Variants in CNGB3 observed in about 807,000 individuals in gnomAD.
The protein encoded by CNGB3 is cyclic nucleotide-gated channel beta-3.
Under a neutral mutation model 92.8 loss-of-function variants are expected in CNGB3, and 86 were observed. The observed-to-expected ratio is 0.93, with a 90% CI of 0.78 to 1.11. CNGB3 has a LOEUF of 1.11. Ranked by LOEUF, CNGB3 falls within the 50% of genes least tolerant of loss-of-function variation. CNGB3 has a pLI of 0.00. For missense variants in CNGB3, 1,026 were observed against 956.8 expected (o/e 1.07, Z -0.95); for synonymous variants, 333 against 332.7 (o/e 1.00, Z -0.01).
intron 15 of CNGB3, among the ~76,000 whole-genome samples, chr8:86,583,102 T>C (rs1201614319): frequency 1.3e-5 from 2 of 151,812 alleles, no homozygotes; most frequent in Non-Finnish European, 2.9e-5. Flanking sequence ...GGTTTCACCA[T>C]GTTGGACAGG....
intron 13 of CNGB3, among the ~76,000 whole-genome samples, chr8:86,616,767 A>G (rs191326095): frequency 6.6e-6 from 1 of 152,308 alleles, no homozygotes; most frequent in Admixed American, 6.5e-5. Flanking sequence ...GCATTAATGA[A>G]TATATGGTCA....
chr8:86,647,538 G>A (rs1246318315), intron 8 of CNGB3, among the ~76,000 whole-genome samples: 1 of 150,800 alleles, frequency 6.6e-6, no homozygotes, highest in Non-Finnish European at 1.5e-5. Context: ...GAAATACAAA[G>A]CATCCCTATT....
intron 11 of CNGB3, among the ~76,000 whole-genome samples, chr8:86,630,690 ACT>A (rs1308606327): frequency 1.3e-5 from 2 of 152,062 alleles, no homozygotes; most frequent in Non-Finnish European, 2.9e-5. Context: ...ACATAGTGAG[ACT>A]CTGTTTCTAC....
Position 86,643,853 on chromosome 8 carries a change from T to C in CNGB3, c.1076A>G (p.Tyr359Cys). 1 of 1,606,742 alleles carries C rather than the reference T, an allele frequency of 6.2e-7. No individual in the cohort carries two copies. The highest frequency in any genetic ancestry group is 8.5e-7 in the Non-Finnish European group (1 of 1,175,078). Residue 359 changes from tyrosine (Y) to cysteine (C), a missense_variant, in exon 10 of 18, where the codon TAC becomes TGC. Transcript: ENST00000320005. Reference protein sequence around the residue: ...YIYRVIRTTGYLLFILHINAC... With the variant: ...YIYRVIRTTGCLLFILHINAC... ...ATTAATGTGCAGAATAAACAGCAAG[T>C]ATCCAGTTGTTCGAATAACTCTGTC...
chr8:86,615,175 C>T (rs985220179), intron 13 of CNGB3, among the ~76,000 whole-genome samples: 1 of 152,132 alleles, frequency 6.6e-6, no homozygotes, highest in Non-Finnish European at 1.5e-5. Flanking sequence ...GGTCCTGGAA[C>T]CAATCCCCTG....
intron 17 of CNGB3, among the ~76,000 whole-genome samples, chr8:86,577,557 T>C (rs1821682793): frequency 6.6e-6 from 1 of 152,226 alleles, no homozygotes; most frequent in Non-Finnish European, 1.5e-5. Context: ...TATGAGATAT[T>C]ATGGTTCAAG....
intron 3 of CNGB3, among the ~76,000 whole-genome samples, chr8:86,694,288 A>C (rs1257000041): frequency 7.1e-6 from 1 of 141,760 alleles, no homozygotes; most frequent in Admixed American, 7.0e-5. Context: ...CTCACTTCCC[A>C]GTAGGGGCGG....
At chr8:86,611,557 G>A in intron 14 of CNGB3, 31 bp downstream of exon 14, 1 of 1,517,554 alleles carries the variant, frequency 6.6e-7, no homozygotes, top group Non-Finnish European at 9.2e-7. Flanking sequence ...GCATTTATTA[G>A]TTGTGCATTT....
chr8:86,658,397 C>A, intron 6 of CNGB3: 1 of 431,116 alleles, frequency 2.3e-6, no homozygotes. Flanking sequence ...TCAGCTGGGC[C>A]TGTGGCTGCT....
At chr8:86,677,118 G>T (rs1012369956) in intron 3 of CNGB3, among the ~76,000 whole-genome samples, 1 of 152,122 alleles carries the variant, frequency 6.6e-6, no homozygotes, top group Non-Finnish European at 1.5e-5. Flanking sequence ...ACCAAAAGCT[G>T]GGAGAGAGAG....
intron 3 of CNGB3, among the ~76,000 whole-genome samples, chr8:86,718,213 A>C (rs903541908): frequency 6.6e-6 from 1 of 152,164 alleles, no homozygotes; most frequent in African/African-American, 2.4e-5. Context: ...AAAATACAAA[A>C]GAGATGACAC....
Position 86,575,605 on chromosome 8 carries a change from T to C in CNGB3, c.*199A>G. On this transcript the variant is annotated 3_prime_UTR_variant, in exon 18 of 18. Coordinates refer to ENST00000320005, the MANE Select transcript of CNGB3 (RefSeq NM_019098.5). ...GCATAAAGTTAATGAAAACGGAGAA[T>C]AGGGATGGCTTTTAATAATCTTCTT... 1.9e-6 allele frequency: 1 copy of C among 518,910 alleles called. No homozygotes were observed. The highest frequency in any genetic ancestry group is 3.3e-5 in the South Asian group (1 of 30,728). The allele number at this position is 518,910 out of a possible 1,614,324, so 32.1% of individuals were successfully genotyped here.
intron 3 of CNGB3, among the ~76,000 whole-genome samples, chr8:86,685,200 AT>A (rs1332702641): frequency 6.6e-6 from 1 of 151,994 alleles, no homozygotes; most frequent in African/African-American, 2.4e-5. Context: ...TAAATTTTTA[AT>A]TCATAAAAAA....
intron 6 of CNGB3, chr8:86,661,777 T>C: frequency 6.3e-7 from 1 of 1,589,748 alleles, no homozygotes; most frequent in Non-Finnish European, 8.6e-7. Context: ...TTATATAATC[T>C]GCAGAGTTCA....
At chr8:86,619,472 G>C (rs1187985723) in intron 13 of CNGB3, among the ~76,000 whole-genome samples, 1 of 152,006 alleles carries the variant, frequency 6.6e-6, no homozygotes, top group South Asian at 2.1e-4. Flanking sequence ...ATTCATCTCT[G>C]AGCTATTTCA....
intron 6 of CNGB3, chr8:86,657,660 G>C (rs1823538322): frequency 2.3e-6 from 1 of 428,918 alleles, no homozygotes; most frequent in Non-Finnish European, 4.7e-6. Context: ...CTAATCAACA[G>C]GGTTCTTGGC....
At chr8:86,678,075 G>A (rs889023989) in intron 3 of CNGB3, among the ~76,000 whole-genome samples, 13 of 152,072 alleles carry the variant, frequency 8.5e-5, no homozygotes, top group African/African-American at 1.4e-4. Flanking sequence ...GGAATTAGGC[G>A]AAGAGTATTG....
chr8:86,728,038 A>G (rs964176629), intron 2 of CNGB3, among the ~76,000 whole-genome samples: 1 of 152,188 alleles, frequency 6.6e-6, no homozygotes, highest in Non-Finnish European at 1.5e-5. Flanking sequence ...AGACTAAGAA[A>G]GCCTAAATTC....
rs1822988745 is a variant in CNGB3, at chr8:86,632,841, G to A, written c.1231C>T (p.Leu411Phe). 1 of 1,612,648 alleles carries A rather than the reference G, an allele frequency of 6.2e-7. No homozygotes were observed. The highest frequency in any genetic ancestry group is 8.5e-7 in the Non-Finnish European group (1 of 1,179,774). The change falls in exon 11 of 18, where the codon CTT becomes TTT. Residue 411 changes from leucine (L) to phenylalanine (F), a missense_variant. Leu to Phe is a conservative substitution (Grantham distance 22). Coordinates refer to ENST00000320005, the MANE Select transcript of CNGB3 (RefSeq NM_019098.5). ...AVRTLITIGGLPEPQTLFEIV... is the reference protein window; with the variant it reads ...AVRTLITIGGFPEPQTLFEIV... ...TCAAATAAAGTTTGTGGTTCTGGAA[G>A]GCCACCAATGGTAATTAAAGTTCGA...
Sources: gnomAD v4.1 joint callset for allele counts (sites outside exome capture counted in the v4.1 genomes callset) on GRCh38, gnomAD v4.1.1 for gene constraint, MANE v1.5 for transcripts, NCBI Gene and HGNC (gene_info 2026-07-23, HGNC 2026-07-21) for gene names.